HPSE2: variants seen among roughly 807,000 people sequenced by gnomAD.
HPSE2 encodes heparanase 2 (inactive).
Under a neutral mutation model 60.5 loss-of-function variants are expected in HPSE2, and 38 were observed. The observed-to-expected ratio is 0.63, with a 90% CI of 0.48 to 0.82. The LOEUF is 0.82. Among genes scored for constraint, HPSE2 ranks in the 40% least tolerant of loss-of-function variants. The pLI, the probability that HPSE2 is intolerant of heterozygous loss-of-function variation, is 0.00. For synonymous variants in HPSE2, 295 were observed against 293.2 expected (o/e 1.01, Z -0.06); for missense variants, 713 against 740.4 (o/e 0.96, Z 0.43).
At chr10:98,954,799 C>T (rs532859378) in intron 3 of HPSE2, among the ~76,000 whole-genome samples, 5 of 151,846 alleles carry the variant, frequency 3.3e-5, no homozygotes, top group Admixed American at 6.6e-5. Context: ...CACCTTGTTT[C>T]GTTTCATTAT....
chr10:99,312,016 G>A, the HPSE2 span, among the ~76,000 whole-genome samples: 1 of 152,168 alleles, frequency 6.6e-6, no homozygotes, highest in Admixed American at 6.5e-5. Context: ...TCCAGAGCAA[G>A]GCCCTAGCTC....
intron 5 of HPSE2, among the ~76,000 whole-genome samples, chr10:98,711,954 G>A (rs1159537234): frequency 6.6e-6 from 1 of 152,026 alleles, no homozygotes; most frequent in Non-Finnish European, 1.5e-5. Flanking sequence ...AATCCCTCTA[G>A]GTGCTTCTAA....
upstream of HPSE2, among the ~76,000 whole-genome samples, chr10:99,239,418 GTTTTTTT>G (rs760549054): frequency 8.0e-5 from 8 of 100,410 alleles, no homozygotes; most frequent in African/African-American, 2.0e-4. Flanking sequence ...GTTTGTCAAG[GTTTTTTT>G]TTTTTTTTTT....
chr10:98,909,336 T>C (rs1021300834), intron 3 of HPSE2, among the ~76,000 whole-genome samples: 2 of 149,828 alleles, frequency 1.3e-5, no homozygotes, highest in Non-Finnish European at 3.0e-5. Context: ...TCAAAAAAGT[T>C]TTTTTTTTTT....
rs1932732 is a variant in HPSE2, at chr10:98,737,278, A to C, written c.784+6605T>G. Among the ~76,000 whole-genome samples, 2 of 134,734 alleles carry C rather than the reference A, an allele frequency of 1.5e-5. 1 individual carries two copies. The highest frequency in any genetic ancestry group is 3.1e-5 in the Non-Finnish European group (2 of 64,216). The allele number at this position is 134,734 out of a possible 152,430, so 88.4% of individuals were successfully genotyped here. On this transcript the variant is annotated intron_variant, in intron 4 of 11. Coordinates refer to ENST00000370552, the MANE Select transcript of HPSE2 (RefSeq NM_021828.5). ...TATATAAATGCACATTTATATATTA[A>C]ACATAAAGGAACATAAATGCAATTC...
intron 2 of HPSE2, among the ~76,000 whole-genome samples, chr10:99,160,233 T>C (rs1578950): frequency 2.3e-4 from 35 of 151,884 alleles, no homozygotes; most frequent in African/African-American, 8.2e-4. Context: ...TACACCTTGA[T>C]AAAAAGACAA....
At chr10:98,491,871 G>C (rs972125651) in intron 9 of HPSE2, among the ~76,000 whole-genome samples, 16 of 152,122 alleles carry the variant, frequency 1.1e-4, no homozygotes, top group Non-Finnish European at 1.8e-4. Flanking sequence ...CAACCTAAAG[G>C]GTGGGTATAG....
At chr10:98,672,072 A>G (rs1947520394) in intron 6 of HPSE2, among the ~76,000 whole-genome samples, 3 of 152,242 alleles carry the variant, frequency 2.0e-5, no homozygotes, top group Admixed American at 2.0e-4. Context: ...ATGTACATGA[A>G]TAAAAAATTA....
At chr10:98,959,922 G>T (rs556421168) in intron 3 of HPSE2, among the ~76,000 whole-genome samples, 2 of 152,104 alleles carry the variant, frequency 1.3e-5, no homozygotes, top group East Asian at 1.9e-4. Context: ...TACCATAGAA[G>T]CCAATATGCT....
At chr10:99,128,222 C>T (rs1845238259) in intron 3 of HPSE2, among the ~76,000 whole-genome samples, 1 of 152,052 alleles carries the variant, frequency 6.6e-6, no homozygotes, top group African/African-American at 2.4e-5. Flanking sequence ...TAAAAATCCA[C>T]CAAACTGGGA....
At position 99,095,955 on chromosome 10, in the gene HPSE2, A is replaced by G. The variant is rs147346036; in HGVS notation, c.610+48283T>C. Among the ~76,000 whole-genome samples the G allele has an allele frequency of 9.1e-3, 1,386 of 152,250 alleles. 15 individuals carry two copies. The highest frequency in any genetic ancestry group is 0.011 in the Non-Finnish European group (727 of 68,014). On this transcript the variant is annotated intron_variant, in intron 3 of 11. Coordinates refer to ENST00000370552, the MANE Select transcript of HPSE2 (RefSeq NM_021828.5). Reference sequence around the variant, plus strand: ...CTTGTATACAATGGACGGTGGTCTTACCTTATGGTGAAATCTGAAACTATT... The same window carrying G: ...CTTGTATACAATGGACGGTGGTCTTGCCTTATGGTGAAATCTGAAACTATT...
intron 2 of HPSE2, among the ~76,000 whole-genome samples, chr10:99,187,826 T>C (rs1848083543): frequency 6.6e-6 from 1 of 152,230 alleles, no homozygotes; most frequent in Non-Finnish European, 1.5e-5. Context: ...GGAAAAAGTT[T>C]GGCAATTTCT....
intron 3 of HPSE2, among the ~76,000 whole-genome samples, chr10:98,849,086 T>C (rs934578290): frequency 1.3e-5 from 2 of 151,942 alleles, no homozygotes; most frequent in Admixed American, 6.6e-5. Context: ...TGAGTTACTA[T>C]GTCCTTTTTT....
At chr10:98,624,886 G>A (rs1470211656) in intron 7 of HPSE2, among the ~76,000 whole-genome samples, 1 of 152,136 alleles carries the variant, frequency 6.6e-6, no homozygotes. Context: ...GTCCTTCTAC[G>A]GTGATGCATG....
chr10:98,566,696 G>C (rs1182557211), intron 9 of HPSE2, among the ~76,000 whole-genome samples: 2 of 152,166 alleles, frequency 1.3e-5, no homozygotes, highest in African/African-American at 4.8e-5. Flanking sequence ...GCATGAGCTG[G>C]AGAGCTGGGG....
chr10:99,267,093 C>A, the HPSE2 span, among the ~76,000 whole-genome samples: 2 of 152,040 alleles, frequency 1.3e-5, no homozygotes, highest in Non-Finnish European at 2.9e-5. Flanking sequence ...AAACAAGGTT[C>A]TTTAACACCC....
intron 6 of HPSE2, among the ~76,000 whole-genome samples, chr10:98,673,583 A>G (rs1180900518): frequency 6.6e-6 from 1 of 152,172 alleles, no homozygotes; most frequent in Non-Finnish European, 1.5e-5. Context: ...CCACAGCCAC[A>G]CACAAACTCA....
At chr10:99,000,906 CTGTCCTGTCCCCTGCG>C (rs1261871992) in intron 3 of HPSE2, among the ~76,000 whole-genome samples, 1 of 151,994 alleles carries the variant, frequency 6.6e-6, no homozygotes, top group East Asian at 1.9e-4. Context: ...GGGTCAAATC[CTGTCCTGTCCCCTGCG>C]TGCACAGTGT....
intron 3 of HPSE2, among the ~76,000 whole-genome samples, chr10:98,853,754 A>T (rs780511416): frequency 5.3e-5 from 8 of 152,148 alleles, no homozygotes; most frequent in Non-Finnish European, 1.2e-4. Context: ...ACAAGCGATA[A>T]CCCAAACCCT....
Sources: gnomAD v4.1 joint callset for allele counts (sites outside exome capture counted in the v4.1 genomes callset) on GRCh38, gnomAD v4.1.1 for gene constraint, MANE v1.5 for transcripts, NCBI Gene and HGNC (gene_info 2026-07-23, HGNC 2026-07-21) for gene names.